The following PGAP4 variants were observed in gnomAD, a reference collection of about 807,000 sequenced individuals.
The protein encoded by PGAP4 is GPI-N-acetylgalactosamine transferase PGAP4.
PGAP4 carries 12 observed loss-of-function variants against 28.2 expected under a neutral mutation model. The observed-to-expected ratio is 0.42, with a 90% CI of 0.27 to 0.69. PGAP4 has a LOEUF of 0.69. Among genes scored for constraint, PGAP4 ranks in the 30% least tolerant of loss-of-function variants. The pLI, the probability that PGAP4 is intolerant of heterozygous loss-of-function variation, is 0.22. For synonymous variants in PGAP4, 205 were observed against 211.8 expected (o/e 0.97, Z 0.28); for missense variants, 425 against 513.5 (o/e 0.83, Z 1.67).
chr9:101,509,683 A>G (rs1175029437), intron 2 of PGAP4, among the ~76,000 whole-genome samples: 1 of 152,162 alleles, frequency 6.6e-6, no homozygotes, highest in African/African-American at 2.4e-5. Context: ...CTGCAAAATG[A>G]TAAGTTCAGG....
At chr9:101,524,471 G>A (rs1173415493) in intron 2 of PGAP4, among the ~76,000 whole-genome samples, 1 of 152,150 alleles carries the variant, frequency 6.6e-6, no homozygotes, top group Non-Finnish European at 1.5e-5. Flanking sequence ...GATTTGCCCT[G>A]CCCTGAGTTC....
rs1280698369 is a variant in PGAP4 at position 101,476,465 on chromosome 9, C to A, written c.628G>T (p.Val210Leu). 6.2e-7 allele frequency: 1 copy of A among 1,614,142 alleles called. No individual in the cohort carries two copies. Among genetic ancestry groups the A allele is most frequent in the East Asian group, 2.2e-5 (1 of 44,866 alleles). Reference protein sequence around the residue: ...QTYNPDYVLMVEDDAVPEEQI... With the variant: ...QTYNPDYVLMLEDDAVPEEQI... ...TCTTCTGGTACAGCATCGTCTTCTA[C>A]CATCAGGACGTAGTCTGGGTTGTAG... Residue 210 changes from valine (V) to leucine (L), a missense_variant, in exon 2 of 2, where the codon GTA becomes TTA. Transcript: ENST00000374848. The surrounding 1 kb of genome is among the most constrained non-coding windows in gnomAD (Gnocchi z 7.0).
chr9:101,514,461 A>T (rs1330854629), intron 2 of PGAP4, among the ~76,000 whole-genome samples: 1 of 152,204 alleles, frequency 6.6e-6, no homozygotes, highest in African/African-American at 2.4e-5. Flanking sequence ...TATAAGTCAG[A>T]TTAAACATCA....
intron 1 of PGAP4, chr9:101,480,681 G>C (rs1826458838): frequency 6.6e-6 from 1 of 152,214 alleles, no homozygotes; most frequent in Non-Finnish European, 1.5e-5. Flanking sequence ...CTAGGACACA[G>C]GAGCTGGGAT....
intron 1 of PGAP4, among the ~76,000 whole-genome samples, chr9:101,532,199 G>A (rs1311084913): frequency 1.3e-5 from 2 of 152,024 alleles, no homozygotes; most frequent in Non-Finnish European, 2.9e-5. Flanking sequence ...GAACCTGTGA[G>A]GTGGAGTTTG....
intron 2 of PGAP4, among the ~76,000 whole-genome samples, chr9:101,505,812 C>G (rs1392989072): frequency 6.6e-6 from 1 of 152,108 alleles, no homozygotes; most frequent in Non-Finnish European, 1.5e-5. Flanking sequence ...TAAATGGACT[C>G]TTCCCTGAAA....
chr9:101,497,349 T>G (rs1826760767), intron 2 of PGAP4, among the ~76,000 whole-genome samples: 1 of 151,666 alleles, frequency 6.6e-6, no homozygotes. Context: ...TTTTATGACG[T>G]GTAAACATTA....
chr9:101,494,896 T>C (rs1226131274), intron 2 of PGAP4, among the ~76,000 whole-genome samples: 1 of 150,980 alleles, frequency 6.6e-6, no homozygotes, highest in East Asian at 1.9e-4. Context: ...TTATAAATTT[T>C]ATATATTTTT....
rs762286817 is a variant in PGAP4, at chr9:101,475,965, C to T, written c.1128G>A (p.Arg376=). ...CGAGGTTCGGCTCCACTACATAGGC[C>T]CTCTCTCCCTTGGCCCTCAACAGCG... ...LYSLLRAKGE[R]AYVVEPNLVK... is the part of the protein sequence containing the mutation. The change falls in exon 2 of 2, where the codon AGG becomes AGA. Residue 376 remains arginine, a synonymous_variant. Transcript: ENST00000374848. The T allele has an allele frequency of 1.9e-6, 3 of 1,614,166 alleles. No homozygotes were observed. In the South Asian group the frequency reaches 3.3e-5, roughly 18 times the overall value.
intron 2 of PGAP4, among the ~76,000 whole-genome samples, chr9:101,503,829 G>A (rs1826824377): frequency 6.6e-6 from 1 of 152,026 alleles, no homozygotes; most frequent in Admixed American, 6.6e-5. Flanking sequence ...GGTAAGAAGA[G>A]TTTGCTATGT....
chr9:101,482,098 T>TA (rs371566622), intron 1 of PGAP4, among the ~76,000 whole-genome samples: 91 of 152,254 alleles, frequency 6.0e-4, no homozygotes, highest in African/African-American at 2.1e-3. Flanking sequence ...TCAATTTGTA[T>TA]AAAAAAATCA....
At chr9:101,491,812 GATATATATATATATAT>G (rs58209077), upstream of PGAP4, among the ~76,000 whole-genome samples, 379 of 106,254 alleles carry the variant, frequency 3.6e-3, no homozygotes, top group South Asian at 5.6e-3. Context: ...AATCTTAAAG[GATATATATATATATAT>G]ATATATATAT....
chr9:101,523,619 C>CTTTTTTTTTTGTTTTT (rs1827007208), intron 2 of PGAP4, among the ~76,000 whole-genome samples: 1 of 59,344 alleles, frequency 1.7e-5, no homozygotes, highest in African/African-American at 7.1e-5. Context: ...CTTCTTGTAT[C>CTTTTTTTTTTGTTTTT]TTTTTTTTTT....
chr9:101,494,852 G>C (rs531814567), intron 2 of PGAP4, among the ~76,000 whole-genome samples: 1 of 150,954 alleles, frequency 6.6e-6, no homozygotes, highest in Non-Finnish European at 1.5e-5. Flanking sequence ...ACCAGAATCA[G>C]GACTGACAGC....
At position 101,501,891 on chromosome 9, in the gene PGAP4, C is replaced by T. The variant is rs372514663; in HGVS notation, c.-164-12691G>A. 92 of 414,118 alleles carry T rather than the reference C, an allele frequency of 2.2e-4. 1 individual carries two copies. Among genetic ancestry groups the T allele is most frequent in the South Asian group, 1.7e-3 (89 of 51,096 alleles). 25.7% of individuals were successfully genotyped at this position (414,118 alleles called of 1,614,324 possible). A position where few individuals can be genotyped will look rare whatever the true frequency, so the allele number is the denominator to read the frequency against. On this transcript the variant is annotated intron_variant, in intron 2 of 3. Transcript: ENST00000374851. The stretch of plus-strand genomic sequence containing the variant: ...CTGATGATCTGGTGGAACATGTTTG[C>T]GGCAGAGGCCTCCGATTGGAAAGGA...
At chr9:101,532,992 T>C (rs1827119088) in exon 1 of PGAP4, 1 of 152,232 alleles carries the variant, frequency 6.6e-6, no homozygotes, top group African/African-American at 2.4e-5. Flanking sequence ...ATCATAGTTC[T>C]GCGAGACATA....
intron 2 of PGAP4, among the ~76,000 whole-genome samples, chr9:101,510,812 TAA>T (rs1299628021): frequency 1.3e-5 from 2 of 152,146 alleles, no homozygotes; most frequent in African/African-American, 4.8e-5. Context: ...TGGACTAAAA[TAA>T]GTCTCAGATT....
At position 101,476,676 on chromosome 9, in the gene PGAP4, G is replaced by C. The variant is rs1826327787; in HGVS notation, c.417C>G (p.His139Gln). The change falls in exon 2 of 2, where the codon CAC (histidine) becomes CAG (glutamine). Residue 139 changes from histidine to glutamine, a missense_variant. Transcript: ENST00000374848. The surrounding 1 kb of genome is among the most constrained non-coding windows in gnomAD (Gnocchi z 7.0). ...GCTCCACGTTGCACAGGAAGAGTTGGTGCCCCTCGCACTGGGGGCCACATT... is the reference window on the plus strand; with the variant it reads ...GCTCCACGTTGCACAGGAAGAGTTGCTGCCCCTCGCACTGGGGGCCACATT... ...LQQCGPQCEGHQLFLCNVERS... is the reference protein window; with the variant it reads ...LQQCGPQCEGQQLFLCNVERS... 1 of 1,614,038 alleles carries C rather than the reference G, an allele frequency of 6.2e-7. No individual in the cohort carries two copies. Among genetic ancestry groups the C allele is most frequent in the African/African-American group, 1.3e-5 (1 of 74,920 alleles).
intron 2 of PGAP4, among the ~76,000 whole-genome samples, chr9:101,522,264 T>G (rs1280119019): frequency 6.6e-6 from 1 of 152,180 alleles, no homozygotes; most frequent in East Asian, 1.9e-4. Context: ...CCATTGTTTC[T>G]TTGTTGACTT....
Sources: gnomAD v4.1 joint callset for allele counts (sites outside exome capture counted in the v4.1 genomes callset) on GRCh38, gnomAD v4.1.1 for gene constraint, Gnocchi (gnomAD v3.1) non-coding constraint, MANE v1.5 for transcripts, NCBI Gene and HGNC (gene_info 2026-07-23, HGNC 2026-07-21) for gene names.